IMPDH1: variants seen among roughly 807,000 people sequenced by gnomAD.
IMPDH1 encodes inosine monophosphate dehydrogenase 1, also known as inosine-5'-monophosphate dehydrogenase 1.
In IMPDH1, 41 loss-of-function variants were observed where a neutral mutation model predicts 73.5. The observed-to-expected ratio is 0.56, with a 90% CI of 0.43 to 0.72. The LOEUF (loss-of-function observed/expected upper bound fraction) is 0.72. Ranked by LOEUF, IMPDH1 falls within the 30% of genes least tolerant of loss-of-function variation. The pLI is 0.00. For synonymous variants in IMPDH1, 318 were observed against 334.3 expected, an observed-to-expected ratio of 0.95 and a Z score of 0.53; for missense variants, 645 against 824.8, an observed-to-expected ratio of 0.78 and a Z score of 2.67.
chr7:128,396,923 C>A lies in IMPDH1; in HGVS notation c.1165+9G>T, dbSNP rs369316633. On this transcript the variant is annotated intron_variant, in intron 11 of 16. Coordinates refer to ENST00000338791, the MANE Select transcript of IMPDH1 (RefSeq NM_000883.4). This position sits in a 1 kb window ranked among gnomAD's most constrained non-coding sequence, Gnocchi z 4.0. ...GGAGCAGGCGGGTGGGAGGCGACCC[C>A]GCACTCACCGTTCCCCCCAATCACC... 6.2e-7 allele frequency: 1 copy of A among 1,606,550 alleles called. No individual in the cohort carries two copies. The highest frequency in any genetic ancestry group is 1.1e-5 in the South Asian group (1 of 90,928).
intron 8 of IMPDH1, 63 bp from the exon 9 acceptor site, chr7:128,400,245 T>C: frequency 1.2e-6 from 2 of 1,604,424 alleles, no homozygotes; most frequent in Non-Finnish European, 1.7e-6. Context: ...CAGGCCTCCC[T>C]CTGGTCCCTG....
At chr7:128,402,614 C>T (rs920548162) in intron 5 of IMPDH1, among the ~76,000 whole-genome samples, 2 of 152,204 alleles carry the variant, frequency 1.3e-5, no homozygotes, top group African/African-American at 4.8e-5. Flanking sequence ...TGTGAACTTC[C>T]CTCACATGTA....
chr7:128,399,853 CT>C (rs1447034424), intron 9 of IMPDH1, among the ~76,000 whole-genome samples: 2 of 152,158 alleles, frequency 1.3e-5, no homozygotes, highest in African/African-American at 2.4e-5. Flanking sequence ...GGATTTTTTT[CT>C]GATGAGCATC....
chr7:128,409,600 C>G (rs1346964041), intron 1 of IMPDH1, 116 bp from the exon 2 acceptor site: 42 of 1,520,822 alleles, frequency 2.8e-5, no homozygotes, highest in Non-Finnish European at 3.6e-5. Context: ...AAGCCGGGAG[C>G]GTGGCGTTTC....
At position 128,394,901 on chromosome 7, in the gene IMPDH1, T is replaced by G. The variant is rs763473401; in HGVS notation, c.1538A>C (p.Lys513Thr). 1.7e-5 allele frequency: 28 copies of G among 1,612,148 alleles called. No homozygotes were observed. In the East Asian group the frequency reaches 6.0e-4, roughly 35 times the overall value. The change falls in exon 14 of 17, where the codon AAA (lysine) becomes ACA (threonine). Residue 513 changes from lysine (K) to threonine (T), a missense_variant. This residue lies in a region of IMPDH1 where 459 missense variants were observed against 638.2 expected (regional missense o/e 0.72). Coordinates refer to ENST00000338791, the MANE Select transcript of IMPDH1 (RefSeq NM_000883.4). This position sits in a 1 kb window ranked among gnomAD's most constrained non-coding sequence, Gnocchi z 5.5. ...AGGGTCAGGGAACCTGAAGTATCGT[T>G]TCTGGCTGCTGCTGCTCTTCTCCAT... ...DAMEKSSSSQ[K>T]RYFSEGDKVK... is the part of the protein sequence containing the mutation.
chr7:128,400,249 G>T, intron 8 of IMPDH1, 67 bp from the exon 9 acceptor site: 3 of 1,601,492 alleles, frequency 1.9e-6, no homozygotes, highest in Non-Finnish European at 2.6e-6. Context: ...CCTCCCTCTG[G>T]TCCCTGGTCA....
At chr7:128,407,583 C>A (rs1030006849) in intron 3 of IMPDH1, among the ~76,000 whole-genome samples, 4 of 152,158 alleles carry the variant, frequency 2.6e-5, no homozygotes, top group African/African-American at 9.7e-5. Context: ...CTCTGGGGTA[C>A]CTTTCTGGCC....
At position 128,396,420 on chromosome 7, in the gene IMPDH1, C is replaced by T. The variant is rs1584720342; in HGVS notation, c.1261+180G>A. 6.6e-6 allele frequency among the ~76,000 whole-genome samples: 1 copy of T among 152,336 alleles called. No homozygotes were observed. Among genetic ancestry groups the T allele is most frequent in the South Asian group, 2.1e-4 (1 of 4,830 alleles). ...GAGAAGCAGGCTGCAGCTCTTGCAC[C>T]CTGCTTACACCTGCCTTCCCCTAAG... On this transcript the variant is annotated intron_variant, in intron 12 of 16. Coordinates refer to ENST00000338791, the MANE Select transcript of IMPDH1 (RefSeq NM_000883.4). This position sits in a 1 kb window ranked among gnomAD's most constrained non-coding sequence, Gnocchi z 4.0.
rs1478959537 is a variant in IMPDH1, at chr7:128,401,022, G to A, written c.497C>T (p.Ala166Val). The change falls in exon 6 of 17, where the codon GCC (alanine) becomes GTC (valine). Residue 166 changes from alanine (A) to valine (V), a missense_variant. Around this residue, in one of 2 missense-constraint regions of IMPDH1, gnomAD observed 459 missense variants for 638.2 expected, o/e 0.72. Coordinates refer to ENST00000338791, the MANE Select transcript of IMPDH1 (RefSeq NM_000883.4). The part of the protein sequence containing the change: ...DTVTEADMAI[A>V]MALMGGIGFI... ...TGCAGGTGTGTAACTCACAGCCATG[G>A]CAATGGCCATGTCAGCCTCTGTCAC... 3 of 1,613,446 alleles carry A rather than the reference G, an allele frequency of 1.9e-6. No homozygotes were observed. Among genetic ancestry groups the A allele is most frequent in the Non-Finnish European group, 2.5e-6 (3 of 1,179,378 alleles).
rs766960740 is a variant in IMPDH1 at position 128,396,499 on chromosome 7, T to C, written c.1261+101A>G. The C allele has an allele frequency of 1.0e-5, 10 of 979,362 alleles. No individual in the cohort carries two copies. Among genetic ancestry groups the C allele is most frequent in the African/African-American group, 1.6e-5 (1 of 62,158 alleles). The allele number at this position is 979,362 out of a possible 1,614,324, so 60.7% of individuals were successfully genotyped here. ...GCCTGGGTCACCCCGGAGCCTACCATGGCAGAACAGGGCCTGGCAGAGAGA... is the reference window on the plus strand; with the variant it reads ...GCCTGGGTCACCCCGGAGCCTACCACGGCAGAACAGGGCCTGGCAGAGAGA... On this transcript the variant is annotated intron_variant, in intron 12 of 16. Transcript: ENST00000338791. The surrounding 1 kb of genome is among the most constrained non-coding windows in gnomAD (Gnocchi z 4.0).
In IMPDH1 at chr7:128,394,236, C is replaced by A; in HGVS notation, c.1778+42G>T. The A allele has an allele frequency of 6.4e-7, 1 of 1,554,366 alleles. No individual in the cohort carries two copies. The highest frequency in any genetic ancestry group is 1.7e-5 in the Admixed American group (1 of 59,914). On this transcript the variant is annotated intron_variant, in intron 16 of 16. Coordinates refer to ENST00000338791, the MANE Select transcript of IMPDH1 (RefSeq NM_000883.4). The surrounding 1 kb of genome is among the most constrained non-coding windows in gnomAD (Gnocchi z 5.5). ...CAGAACCCTGGCCCCACCTGCCCAA[C>A]CCACTGCCTCCAAGTGACAGCAAGG...
chr7:128,405,616 G>A, intron 4 of IMPDH1, 151 bp downstream of exon 4: 1 of 1,177,452 alleles, frequency 8.5e-7, no homozygotes, highest in Non-Finnish European at 1.1e-6. Flanking sequence ...TCCGGCGCGG[G>A]CCTCCTTCCT....
chr7:128,405,879 C>A lies in IMPDH1; in HGVS notation c.255-14G>T, dbSNP rs760230791. The A allele has an allele frequency of 1.7e-5, 26 of 1,516,872 alleles. No individual in the cohort carries two copies. The highest frequency in any genetic ancestry group is 1.8e-5 in the Non-Finnish European group (20 of 1,134,136). The allele number at this position is 1,516,872 out of a possible 1,614,324, so 94.0% of individuals were successfully genotyped here. A position where few individuals can be genotyped will look rare whatever the true frequency, so the allele number is the denominator to read the frequency against. On this transcript the variant is annotated splice_polypyrimidine_tract_variant and intron_variant, in intron 3 of 16. Coordinates refer to ENST00000338791, the MANE Select transcript of IMPDH1 (RefSeq NM_000883.4). Reference sequence around the variant, plus strand: ...TAGTCCGCCATGCTGCCGCGAGACCCCGCGACCCGACATAAACACCCGCGC... The same window carrying A: ...TAGTCCGCCATGCTGCCGCGAGACCACGCGACCCGACATAAACACCCGCGC...
chr7:128,404,015 T>C (rs922933180), intron 4 of IMPDH1, among the ~76,000 whole-genome samples: 1 of 152,154 alleles, frequency 6.6e-6, no homozygotes. Flanking sequence ...GCCCAAAATA[T>C]CCATTGCCTT....
At chr7:128,406,920 CAGAAGTTGG>C (rs1798815712) in intron 3 of IMPDH1, among the ~76,000 whole-genome samples, 2 of 152,218 alleles carry the variant, frequency 1.3e-5, no homozygotes, top group African/African-American at 4.8e-5. Context: ...ATCCCCAAAG[CAGAAGTTGG>C]TGGCCCTGGG....
chr7:128,393,659 C>G (rs1268288726), intron 16 of IMPDH1: 1 of 172,926 alleles, frequency 5.8e-6, no homozygotes, highest in Non-Finnish European at 1.2e-5. Flanking sequence ...ACCTCCAGCC[C>G]AGGTCCCACC....
At chr7:128,399,787 A>G (rs1355503566) in intron 9 of IMPDH1, among the ~76,000 whole-genome samples, 2 of 152,240 alleles carry the variant, frequency 1.3e-5, no homozygotes, top group Non-Finnish European at 2.9e-5. Flanking sequence ...GCCTTTAATA[A>G]GTGAATGTGC....
rs944815984 is a variant in IMPDH1 at position 128,409,904 on chromosome 7, G to C, written c.-3C>G. On this transcript the variant is annotated 5_prime_UTR_variant, in exon 1 of 17. Transcript: ENST00000338791. ...GGTGGAGTGAGTGGCCCCTCCATGC[G>C]GAGGCCGCAGCTCAGGGCGGGCGGG... 2.3e-5 allele frequency: 32 copies of C among 1,409,304 alleles called. No homozygotes were observed. The highest frequency in any genetic ancestry group is 2.9e-5 in the Non-Finnish European group (31 of 1,085,188). 87.3% of individuals were successfully genotyped at this position (1,409,304 alleles called of 1,614,324 possible).
At position 128,401,820 on chromosome 7, in the gene IMPDH1, T is replaced by C. The variant is rs539673738; in HGVS notation, c.403-704A>G. On this transcript the variant is annotated intron_variant, in intron 5 of 16. Transcript: ENST00000338791. ...TCAGGAGAGTGGTCAGGATTGCAAG[T>C]ATCCATTTAAAAGCCACCTGCCCAT... 2.6e-5 allele frequency among the ~76,000 whole-genome samples: 4 copies of C among 152,202 alleles called. No individual in the cohort carries two copies. In the East Asian group the frequency reaches 5.8e-4, roughly 22 times the overall value.
Sources: gnomAD v4.1 joint callset for allele counts (sites outside exome capture counted in the v4.1 genomes callset) on GRCh38, gnomAD v4.1.1 for gene constraint, gnomAD v4.1.1 regional missense constraint, Gnocchi (gnomAD v3.1) non-coding constraint, MANE v1.5 for transcripts, NCBI Gene and HGNC (gene_info 2026-07-23, HGNC 2026-07-21) for gene names.